Variants in G6PD observed in about 807,000 individuals in gnomAD.
G6PD encodes glucose-6-phosphate dehydrogenase.
G6PD carries 2 observed loss-of-function variants against 38.2 expected under a neutral mutation model. The ratio of observed to expected loss-of-function variants is 0.05; its 90% CI spans 0.02 to 0.16. The LOEUF (loss-of-function observed/expected upper bound fraction) is 0.16. Among genes scored for constraint, G6PD ranks in the 10% least tolerant of loss-of-function variants. G6PD has a pLI of 1.00. For synonymous variants in G6PD, 188 were observed against 196.0 expected, an observed-to-expected ratio of 0.96 and a Z score of 0.34; for missense variants, 310 against 471.6, an observed-to-expected ratio of 0.66 and a Z score of 3.17.
intron 2 of G6PD, 200 bp downstream of exon 2, chrX:154,545,836 C>CAAAAAAA: frequency 3.5e-6 from 1 of 283,030 alleles, no homozygotes; most frequent in Non-Finnish European, 5.8e-6. Flanking sequence ...ACTCCGTCTC[C>CAAAAAAA]AAAAAAAAAA....
chrX:154,542,894 A>G (rs1396959167), intron 2 of G6PD, among the ~76,000 whole-genome samples: 1 of 112,153 alleles, frequency 8.9e-6, no homozygotes, highest in Admixed American at 9.4e-5. Flanking sequence ...CCTGGCCGCA[A>G]TAGCACATAG....
chrX:154,535,022 C>A, intron 5 of G6PD, 146 bp downstream of exon 5: 3 of 599,201 alleles, frequency 5.0e-6, no homozygotes, highest in South Asian at 2.5e-5. Flanking sequence ...CGTGGAGCAA[C>A]GCTGCCACCT....
chrX:154,541,926 G>A (rs1405438193), intron 2 of G6PD, among the ~76,000 whole-genome samples: 3 of 112,255 alleles, frequency 2.7e-5, no homozygotes, highest in Non-Finnish European at 5.6e-5. Flanking sequence ...CATCCCCAAG[G>A]GTCACTGGGG....
At chrX:154,539,282 G>C (rs2070446589) in intron 2 of G6PD, among the ~76,000 whole-genome samples, 1 of 111,888 alleles carries the variant, frequency 8.9e-6, no homozygotes, top group Admixed American at 9.5e-5. Flanking sequence ...ATTAACATGT[G>C]ACCCGGCAAA....
intron 1 of G6PD, among the ~76,000 whole-genome samples, 182 bp downstream of exon 1, chrX:154,546,607 C>T (rs1317934759): frequency 1.8e-5 from 2 of 111,176 alleles, no homozygotes; most frequent in Non-Finnish European, 3.8e-5. Flanking sequence ...TCGGCAAGTC[C>T]CCTTCGCTCT....
At chrX:154,533,775 T>C in intron 7 of G6PD, 106 bp from the exon 8 acceptor site, 2 of 1,182,813 alleles carry the variant, frequency 1.7e-6, no homozygotes, top group Non-Finnish European at 2.3e-6. Context: ...GCTGCAAGAC[T>C]CACTTCCTGA....
chrX:154,543,013 T>A (rs1157934835), intron 2 of G6PD, among the ~76,000 whole-genome samples: 1 of 111,893 alleles, frequency 8.9e-6, no homozygotes, highest in Admixed American at 9.4e-5. Flanking sequence ...GATTCTAGGA[T>A]CACGTGCCCT....
At chrX:154,546,313 G>C in intron 1 of G6PD, 150 bp from the exon 2 acceptor site, 1 of 735,493 alleles carries the variant, frequency 1.4e-6, no homozygotes, top group Non-Finnish European at 2.1e-6. Context: ...ATTGGGGAGT[G>C]GTTGATGGGT....
At chrX:154,542,956 G>A (rs1260667457) in intron 2 of G6PD, among the ~76,000 whole-genome samples, 5 of 112,067 alleles carry the variant, frequency 4.5e-5, no homozygotes, top group African/African-American at 1.3e-4. Context: ...GTACCCAATC[G>A]CTGTCTGCTC....
chrX:154,546,952 C>T (rs2070749150), upstream of G6PD: 4 of 393,215 alleles, frequency 1.0e-5, no homozygotes, highest in Non-Finnish European at 1.5e-5. Flanking sequence ...CCTCGGCCAC[C>T]ACCCCTCGTG....
chrX:154,545,293 G>A (rs2070667188), intron 2 of G6PD, among the ~76,000 whole-genome samples: 2 of 112,096 alleles, frequency 1.8e-5, no homozygotes, highest in Admixed American at 9.4e-5. Flanking sequence ...CGAAATTGAG[G>A]CAAAGAGACA....
intron 4 of G6PD, 21 bp from the exon 5 acceptor site, chrX:154,535,406 G>A (rs2070396486): frequency 8.6e-7 from 1 of 1,160,223 alleles, no homozygotes; most frequent in Non-Finnish European, 1.2e-6. Context: ...CGGACAGACA[G>A]ACACACAGAC....
intron 2 of G6PD, among the ~76,000 whole-genome samples, chrX:154,543,295 C>T (rs2070578728): frequency 1.8e-5 from 2 of 112,676 alleles, no homozygotes; most frequent in Admixed American, 1.9e-4. Context: ...CTACTGATTT[C>T]AACAAAACAA....
At chrX:154,533,793 T>TGTCTTCCAG (rs1557230130) in intron 7 of G6PD, 124 bp from the exon 8 acceptor site, 2 of 1,177,935 alleles carry the variant, frequency 1.7e-6, no homozygotes, top group Non-Finnish European at 2.3e-6. Flanking sequence ...TGATCCCCCT[T>TGTCTTCCAG]GTCTTCCAGG....
At chrX:154,538,158 TAATTTTTTG>T (rs1445221497) in intron 2 of G6PD, among the ~76,000 whole-genome samples, 1 of 110,744 alleles carries the variant, frequency 9.0e-6, no homozygotes, top group African/African-American at 3.3e-5. Context: ...CACACCCAGC[TAATTTTTTG>T]TATTTTTTGT....
In G6PD at chrX:154,534,466, G is replaced by A. The variant is rs781805733; in HGVS notation, c.516C>T (p.Pro172=). The A allele has an allele frequency of 1.1e-5, 13 of 1,210,302 alleles. No individual in the cohort carries two copies. The change falls in exon 6 of 13, where the codon CCC becomes CCT. Residue 172 remains proline, a synonymous_variant. Transcript: ENST00000393562. The stretch of plus-strand genomic sequence containing the variant: ...CAGAGCTCTGCAGGTCCCTCCCGAA[G>A]GGCTTCTCCACGATGATGCGGTTCC... The part of the protein sequence containing the change: ...IGWNRIIVEK[P]FGRDLQSSDR...
intron 10 of G6PD, 48 bp downstream of exon 10, chrX:154,532,519 C>A (rs781930186): frequency 8.3e-7 from 1 of 1,203,362 alleles, no homozygotes; most frequent in African/African-American, 1.7e-5. Context: ...TGGAGTCCCC[C>A]GGGCCCAGGC....
chrX:154,535,443 G>A lies in G6PD; in HGVS notation c.268-58C>T, dbSNP rs887725207. 6.5e-5 allele frequency: 69 copies of A among 1,056,404 alleles called. No homozygotes were observed. The South Asian group carries it at 1.2e-3, about 18-fold the overall frequency. The allele number at this position is 1,056,404 out of a possible 1,213,427, so 87.1% of individuals were successfully genotyped here. A position where few individuals can be genotyped will look rare whatever the true frequency, so the allele number is the denominator to read the frequency against. On this transcript the variant is annotated intron_variant, in intron 4 of 12. Coordinates refer to ENST00000393562, the MANE Select transcript of G6PD (RefSeq NM_001360016.2). Reference sequence around the variant, plus strand: ...GATGTCAGCCCCTCTCTTTGAGTCCGTGTGTGTTCTGCCCCAGGGGAGTGG... The same window carrying A: ...GATGTCAGCCCCTCTCTTTGAGTCCATGTGTGTTCTGCCCCAGGGGAGTGG...
At chrX:154,543,728 C>A (rs370504763) in intron 2 of G6PD, among the ~76,000 whole-genome samples, 2 of 110,488 alleles carry the variant, frequency 1.8e-5, no homozygotes, top group East Asian at 5.7e-4. Flanking sequence ...CTCACTCACT[C>A]CGTCACCCAG....
Sources: allele counts gnomAD v4.1 joint callset (sites outside exome capture counted in the v4.1 genomes callset), GRCh38; gene constraint gnomAD v4.1.1; transcripts MANE v1.5; gene names NCBI Gene and HGNC (gene_info 2026-07-23, HGNC 2026-07-21).